TDRD10: variants seen among roughly 807,000 people sequenced by gnomAD.
TDRD10 encodes tudor domain containing 10.
TDRD10 carries 40 observed loss-of-function variants against 48.0 expected under a neutral mutation model. The observed-to-expected ratio is 0.83, with a 90% CI of 0.65 to 1.09. The LOEUF is 1.09. Ranked by LOEUF, TDRD10 falls within the 50% of genes least tolerant of loss-of-function variation. The probability of loss-of-function intolerance (pLI) is 0.00; values close to 1 mark genes in which losing one functional copy is unlikely to be tolerated. For synonymous variants in TDRD10, 162 were observed against 170.4 expected, an observed-to-expected ratio of 0.95 and a Z score of 0.38; for missense variants, 378 against 434.7, an observed-to-expected ratio of 0.87 and a Z score of 1.16.
chr1:154,522,546 C>T (rs1401636739), intron 6 of TDRD10, among the ~76,000 whole-genome samples: 2 of 152,096 alleles, frequency 1.3e-5, no homozygotes, highest in Non-Finnish European at 2.9e-5. Flanking sequence ...TGGCTCACAC[C>T]TGTAATCCCA....
At chr1:154,530,867 T>G (rs1289079736) in intron 6 of TDRD10, among the ~76,000 whole-genome samples, 1 of 66,018 alleles carries the variant, frequency 1.5e-5, no homozygotes, top group Non-Finnish European at 3.9e-5. Flanking sequence ...TCAGTTTAAA[T>G]TTTTTTTTTT....
rs182528943 is a variant in TDRD10 at position 154,510,373 on chromosome 1, A to G, written c.141+1892A>G. ...TTTGGGAGGCTGAGGCGGGCAAATC[A>G]CAAGGTCAGGAGATCGAGACCATCC... On this transcript the variant is annotated intron_variant, in intron 4 of 12. Transcript: ENST00000368482. 4.4e-3 allele frequency among the ~76,000 whole-genome samples: 674 copies of G among 152,220 alleles called. 2 individuals carry two copies. The highest frequency in any genetic ancestry group is 0.016 in the African/African-American group (654 of 41,548).
In TDRD10 at chr1:154,547,868, C is replaced by T; in HGVS notation, c.*158C>T. On this transcript the variant is annotated 3_prime_UTR_variant, in exon 13 of 13. Coordinates refer to ENST00000368482, the MANE Select transcript of TDRD10 (RefSeq NM_182499.4). ...AATTTTGCTTTTACTCCCAGCTTCC[C>T]TCTCAAAAGAGAGTGAAGTCTCATT... The T allele has an allele frequency of 1.3e-6, 1 of 792,128 alleles. No individual in the cohort carries two copies. Among genetic ancestry groups the T allele is most frequent in the Admixed American group, 2.7e-5 (1 of 37,586 alleles). The allele number at this position is 792,128 out of a possible 1,614,324, so 49.1% of individuals were successfully genotyped here. A position where few individuals can be genotyped will look rare whatever the true frequency, so the allele number is the denominator to read the frequency against.
At chr1:154,544,336 G>A in intron 9 of TDRD10, 36 bp from the exon 10 acceptor site, 3 of 1,559,344 alleles carry the variant, frequency 1.9e-6, no homozygotes, top group Non-Finnish European at 2.6e-6. Context: ...GTAATGCAGT[G>A]CAGGCAGTGG....
At chr1:154,507,165 C>T in intron 2 of TDRD10, 76 bp from the exon 3 acceptor site, 5 of 1,524,586 alleles carry the variant, frequency 3.3e-6, no homozygotes, top group Non-Finnish European at 4.4e-6. Flanking sequence ...CAAGGCCCCT[C>T]TGCTTATGCC....
Position 154,521,322 on chromosome 1 carries a change from G to C in TDRD10, c.213-1G>C. Reference sequence around the variant, plus strand: ...CCTCCCTCTCTCTCTTCCCTTTTCAGCTTTGCATTTGTAGATCTGGGCTCC... The same window carrying C: ...CCTCCCTCTCTCTCTTCCCTTTTCACCTTTGCATTTGTAGATCTGGGCTCC... On this transcript the variant is annotated splice_acceptor_variant, in intron 5 of 12. Transcript: ENST00000368482. LOFTEE classifies it high-confidence loss of function. 8.1e-6 allele frequency: 13 copies of C among 1,614,000 alleles called. No homozygotes were observed. The highest frequency in any genetic ancestry group is 1.0e-5 in the Non-Finnish European group (12 of 1,179,970).
chr1:154,523,126 G>C (rs936635446), intron 6 of TDRD10, among the ~76,000 whole-genome samples: 2 of 152,086 alleles, frequency 1.3e-5, no homozygotes, highest in African/African-American at 4.8e-5. Context: ...GGCTGATCTC[G>C]AACTCCTGAC....
In TDRD10 at chr1:154,542,009, C is replaced by G; in HGVS notation, c.370-15C>G. The G allele has an allele frequency of 6.2e-7, 1 of 1,613,656 alleles. No individual in the cohort carries two copies. The highest frequency in any genetic ancestry group is 8.5e-7 in the Non-Finnish European group (1 of 1,179,770). On this transcript the variant is annotated splice_polypyrimidine_tract_variant and intron_variant, in intron 6 of 12. Coordinates refer to ENST00000368482, the MANE Select transcript of TDRD10 (RefSeq NM_182499.4). ...GCCACCATGGCTGAGTGAGACCTTT[C>G]ATTTTTCTTCCCAGGTGTTGGAGAA...
At chr1:154,506,807 A>G in intron 1 of TDRD10, 70 bp from the exon 2 acceptor site, 1 of 1,339,780 alleles carries the variant, frequency 7.5e-7, no homozygotes, top group Non-Finnish European at 1.1e-6. Flanking sequence ...TTACCACAGT[A>G]CCTATTCGGT....
intron 6 of TDRD10, among the ~76,000 whole-genome samples, chr1:154,525,164 C>A (rs1173641761): frequency 6.6e-6 from 1 of 152,172 alleles, no homozygotes; most frequent in East Asian, 1.9e-4. Context: ...ATGGTGAGTT[C>A]CTGTATTTTG....
chr1:154,537,050 C>T (rs1407701847), intron 6 of TDRD10, among the ~76,000 whole-genome samples: 2 of 152,192 alleles, frequency 1.3e-5, no homozygotes, highest in East Asian at 3.8e-4. Flanking sequence ...AAGCCAAGTA[C>T]ATCCCCACCT....
intron 4 of TDRD10, among the ~76,000 whole-genome samples, chr1:154,513,992 C>G (rs1239947188): frequency 2.6e-5 from 4 of 152,082 alleles, no homozygotes. Context: ...GAGTTTGAGA[C>G]CACCCTGGCC....
At chr1:154,519,278 AAATAT>A (rs1395196786) in intron 4 of TDRD10, among the ~76,000 whole-genome samples, 3 of 152,264 alleles carry the variant, frequency 2.0e-5, no homozygotes, top group African/African-American at 7.2e-5. Flanking sequence ...ATTTGCATGT[AAATAT>A]AATATAAACA....
chr1:154,541,532 T>G, intron 6 of TDRD10, among the ~76,000 whole-genome samples: 4 of 147,894 alleles, frequency 2.7e-5, no homozygotes, highest in African/African-American at 7.5e-5. Context: ...GGGTTGGGGG[T>G]TTTTCAGGTG....
Position 154,547,756 on chromosome 1 carries a change from A to G in TDRD10, c.*46A>G, listed in dbSNP as rs1212630541. 1.2e-6 allele frequency: 2 copies of G among 1,607,352 alleles called. No homozygotes were observed. The highest frequency in any genetic ancestry group is 8.5e-7 in the Non-Finnish European group (1 of 1,175,402). On this transcript the variant is annotated 3_prime_UTR_variant, in exon 13 of 13. Transcript: ENST00000368482. ...TCCCTCTCCTGTTTGCCACGGATCC[A>G]GAGGCCACCTGCCCTGTCTTCTCGT...
chr1:154,503,664 G>A (rs1353224757), intron 1 of TDRD10, among the ~76,000 whole-genome samples: 1 of 152,144 alleles, frequency 6.6e-6, no homozygotes, highest in East Asian at 1.9e-4. Flanking sequence ...TTTACTGAAC[G>A]GAAATCTTTT....
At chr1:154,544,603 GT>G (rs1341594147) in intron 10 of TDRD10, 86 bp downstream of exon 10, 23 of 1,520,272 alleles carry the variant, frequency 1.5e-5, no homozygotes, top group Non-Finnish European at 1.9e-5. Context: ...TTGGGCTCTG[GT>G]TTTTTTTCCT....
intron 12 of TDRD10, 27 bp from the exon 13 acceptor site, chr1:154,547,651 C>T: frequency 6.2e-7 from 1 of 1,614,224 alleles, no homozygotes; most frequent in Non-Finnish European, 8.5e-7. Context: ...CCTTCCTTCC[C>T]ACCAAGGCTT....
At chr1:154,517,727 C>G (rs973397160) in intron 4 of TDRD10, among the ~76,000 whole-genome samples, 1 of 152,118 alleles carries the variant, frequency 6.6e-6, no homozygotes, top group Non-Finnish European at 1.5e-5. Context: ...CGGCTTGGAC[C>G]ATTTTTTTAA....
Sources: gnomAD v4.1 joint callset for allele counts (sites outside exome capture counted in the v4.1 genomes callset) on GRCh38, gnomAD v4.1.1 for gene constraint, MANE v1.5 for transcripts, NCBI Gene and HGNC (gene_info 2026-07-23, HGNC 2026-07-21) for gene names.